SORCS2: variants seen among roughly 807,000 people sequenced by gnomAD.
SORCS2 encodes VPS10 domain-containing receptor SorCS2.
A neutral mutation model predicts 141.6 loss-of-function variants in SORCS2; 100 were observed. The ratio of observed to expected loss-of-function variants is 0.71; its 90% CI spans 0.60 to 0.83. SORCS2 has a LOEUF of 0.83. Ranked by LOEUF, SORCS2 falls within the 40% of genes least tolerant of loss-of-function variation. The pLI is 0.00. For missense variants in SORCS2, 1,646 were observed against 1,560.2 expected (o/e 1.05, Z -0.93); for synonymous variants, 789 against 676.9 (o/e 1.17, Z -2.57).
chr4:7,429,765 G>A (rs1726700077), intron 2 of SORCS2, among the ~76,000 whole-genome samples: 1 of 152,224 alleles, frequency 6.6e-6, no homozygotes, highest in Non-Finnish European at 1.5e-5. Context: ...TGGGTCGCGG[G>A]TGTGAGGACA....
intron 1 of SORCS2, among the ~76,000 whole-genome samples, chr4:7,329,362 AAAG>A (rs1221654641): frequency 6.6e-6 from 1 of 152,178 alleles, no homozygotes; most frequent in Non-Finnish European, 1.5e-5. Flanking sequence ...AAACGTCGTA[AAAG>A]AAGACTCTTC....
chr4:7,328,621 T>G (rs1719435938), intron 1 of SORCS2, among the ~76,000 whole-genome samples: 1 of 152,158 alleles, frequency 6.6e-6, no homozygotes, highest in Admixed American at 6.5e-5. Context: ...CACCTTCTCG[T>G]GCTCTGCCTC....
intron 3 of SORCS2, among the ~76,000 whole-genome samples, chr4:7,576,173 C>G (rs1272463047): frequency 6.6e-6 from 1 of 152,192 alleles, no homozygotes; most frequent in Non-Finnish European, 1.5e-5. Flanking sequence ...TAACATTCTC[C>G]TTCTGACCAA....
intron 8 of SORCS2, among the ~76,000 whole-genome samples, chr4:7,669,221 G>C (rs1232179422): frequency 6.6e-6 from 1 of 152,220 alleles, no homozygotes; most frequent in East Asian, 1.9e-4. Context: ...CACACACCCA[G>C]CCTCAGGTCA....
chr4:7,482,241 C>CT (rs781316095), intron 2 of SORCS2, among the ~76,000 whole-genome samples: 1 of 40,852 alleles, frequency 2.4e-5, no homozygotes, highest in African/African-American at 1.2e-4. Context: ...ACACCCCTGA[C>CT]GCTGTTCAGA....
At chr4:7,335,110 C>T (rs1719903353) in intron 1 of SORCS2, among the ~76,000 whole-genome samples, 1 of 152,146 alleles carries the variant, frequency 6.6e-6, no homozygotes, top group Non-Finnish European at 1.5e-5. Flanking sequence ...TTCTGCAGCA[C>T]CCGGCCCAGA....
At chr4:7,609,177 C>G (rs1718245597) in intron 3 of SORCS2, among the ~76,000 whole-genome samples, 1 of 151,520 alleles carries the variant, frequency 6.6e-6, no homozygotes, top group Admixed American at 6.5e-5. Context: ...CCTCTCTGAA[C>G]TTGGTTTTGT....
intron 17 of SORCS2, 115 bp from the exon 18 acceptor site, chr4:7,717,897 G>A (rs1726298420): frequency 8.8e-7 from 1 of 1,133,226 alleles, no homozygotes; most frequent in East Asian, 2.9e-5. Flanking sequence ...TAGAGTCCTA[G>A]GGGTGGGAAG....
chr4:7,650,371 G>A (rs1401972752), intron 4 of SORCS2, among the ~76,000 whole-genome samples: 1 of 152,206 alleles, frequency 6.6e-6, no homozygotes, highest in Non-Finnish European at 1.5e-5. Context: ...AGAACGTGCT[G>A]TGTGCGTGGC....
chr4:7,706,082 C>T (rs369571845), intron 14 of SORCS2, among the ~76,000 whole-genome samples: 23,709 of 72,882 alleles, frequency 0.33, 1,565 homozygotes, highest in East Asian at 0.47. Flanking sequence ...CTGGGCTCTG[C>T]CTGGACAGAG....
intron 2 of SORCS2, among the ~76,000 whole-genome samples, chr4:7,467,381 T>C (rs1163030313): frequency 6.6e-6 from 1 of 152,200 alleles, no homozygotes; most frequent in Non-Finnish European, 1.5e-5. Flanking sequence ...GAGCTCACCC[T>C]GGGGCCTTCG....
At chr4:7,628,551 A>AAT (rs1719674071) in intron 3 of SORCS2, among the ~76,000 whole-genome samples, 1 of 151,224 alleles carries the variant, frequency 6.6e-6, no homozygotes, top group South Asian at 2.1e-4. Context: ...GTGAGAGTTA[A>AAT]ATATATCCCA....
intron 14 of SORCS2, among the ~76,000 whole-genome samples, chr4:7,704,584 G>A (rs1206711418): frequency 6.6e-6 from 1 of 152,200 alleles, no homozygotes; most frequent in Non-Finnish European, 1.5e-5. Context: ...TCATCATAGG[G>A]CAGAGCTGGC....
intron 11 of SORCS2, among the ~76,000 whole-genome samples, chr4:7,692,249 A>G (rs1724304298): frequency 6.6e-6 from 1 of 152,094 alleles, no homozygotes; most frequent in East Asian, 1.9e-4. Flanking sequence ...ACGTGACCGC[A>G]CTGCTGGAGG....
intron 3 of SORCS2, among the ~76,000 whole-genome samples, chr4:7,568,822 T>C (rs1262621666): frequency 6.6e-6 from 1 of 152,212 alleles, no homozygotes; most frequent in Non-Finnish European, 1.5e-5. Flanking sequence ...AGGAATTCCG[T>C]GGAAAGTGAC....
chr4:7,732,752 C>T (rs1002726486), intron 23 of SORCS2, among the ~76,000 whole-genome samples: 14 of 152,176 alleles, frequency 9.2e-5, no homozygotes, highest in Middle Eastern at 3.4e-3. Flanking sequence ...TTTACATTCC[C>T]GACTAAAACA....
chr4:7,377,302 C>T (rs571106846), intron 1 of SORCS2, among the ~76,000 whole-genome samples: 1 of 152,086 alleles, frequency 6.6e-6, no homozygotes, highest in South Asian at 2.1e-4. Flanking sequence ...CTAGATACAG[C>T]TTCGAATGTT....
chr4:7,603,279 C>T (rs955293541), intron 3 of SORCS2, among the ~76,000 whole-genome samples: 2 of 149,668 alleles, frequency 1.3e-5, no homozygotes, highest in Non-Finnish European at 1.5e-5. Flanking sequence ...AACACCTTTT[C>T]TCCCTGTTCC....
chr4:7,676,907 CCTCTCT>C, intron 9 of SORCS2, among the ~76,000 whole-genome samples: 2 of 7,078 alleles, frequency 2.8e-4, no homozygotes, highest in South Asian at 5.7e-3. Flanking sequence ...TCTCTCTCTC[CCTCTCT>C]CCCTCTCTCC....
Sources: gnomAD v4.1 joint callset for allele counts (sites outside exome capture counted in the v4.1 genomes callset) on GRCh38, gnomAD v4.1.1 for gene constraint, MANE v1.5 for transcripts, NCBI Gene and HGNC (gene_info 2026-07-23, HGNC 2026-07-21) for gene names.